Variants in CCDC15 observed in about 807,000 individuals in gnomAD.
CCDC15 encodes coiled-coil domain containing 15, also known as coiled-coil domain-containing protein 15.
A neutral mutation model predicts 114.5 loss-of-function variants in CCDC15; 105 were observed. That is an observed-to-expected ratio of 0.92 (90% CI 0.78 to 1.08). CCDC15 has a LOEUF of 1.08. CCDC15 is among the 50% of genes least tolerant of loss of function. CCDC15 has a pLI of 0.00. For synonymous variants in CCDC15, 334 were observed against 377.8 expected, an observed-to-expected ratio of 0.88 and a Z score of 1.34; for missense variants, 1,105 against 1,093.6, an observed-to-expected ratio of 1.01 and a Z score of -0.15.
chr11:124,960,117 CT>C, intron 4 of CCDC15, 114 bp downstream of exon 4: 1 of 609,296 alleles, frequency 1.6e-6, no homozygotes, highest in African/African-American at 2.0e-5. Context: ...CTCAGCTTCA[CT>C]TTTGATAATC....
At position 124,991,563 on chromosome 11, in the gene CCDC15, C is replaced by G. The variant is rs533489378; in HGVS notation, c.2011C>G (p.Gln671Glu). 1.2e-4 allele frequency: 198 copies of G among 1,606,508 alleles called. 1 individual carries two copies. The South Asian group carries it at 1.9e-3, about 15-fold the overall frequency. Residue 671 changes from glutamine (Q) to glutamate (E), a missense_variant, in exon 9 of 16, where the codon CAG (glutamine) becomes GAG (glutamate). Gln to Glu is a conservative substitution (Grantham distance 29). Transcript: ENST00000344762. The part of the protein sequence containing the change: ...YQCLPPKSQD[Q>E]DDIKNQQPAS... The stretch of plus-strand genomic sequence containing the variant: ...GTGTTTGCCTCCCAAATCCCAGGAC[C>G]AGGATGACATCAAAAATCAGGTAGA...
chr11:125,002,501 A>T (rs970733160), intron 11 of CCDC15, among the ~76,000 whole-genome samples: 1 of 152,206 alleles, frequency 6.6e-6, no homozygotes, highest in East Asian at 1.9e-4. Context: ...ATTGACTCCT[A>T]TGCGTTCCTC....
intron 6 of CCDC15, 92 bp from the exon 7 acceptor site, chr11:124,986,650 A>G (rs549924386): frequency 2.3e-6 from 3 of 1,304,874 alleles, no homozygotes; most frequent in East Asian, 2.6e-5. Context: ...GTTTCTTCCT[A>G]TAATAGCTAC....
At chr11:124,988,216 A>G in intron 8 of CCDC15, 82 bp downstream of exon 8, 1 of 1,393,150 alleles carries the variant, frequency 7.2e-7, no homozygotes, top group South Asian at 1.4e-5. Context: ...GACTGCAAGT[A>G]TACCTTGGAG....
At chr11:124,964,570 A>C (rs1359969026) in intron 4 of CCDC15, among the ~76,000 whole-genome samples, 1 of 152,232 alleles carries the variant, frequency 6.6e-6, no homozygotes, top group Admixed American at 6.5e-5. Context: ...TAAATATACA[A>C]TCATGTCATC....
chr11:124,995,650 C>T (rs1387149605), intron 11 of CCDC15, among the ~76,000 whole-genome samples: 1 of 152,148 alleles, frequency 6.6e-6, no homozygotes, highest in Non-Finnish European at 1.5e-5. Flanking sequence ...GAGACTGATA[C>T]ATAAACATAA....
At position 124,986,709 on chromosome 11, in the gene CCDC15, G is replaced by GCGCA. The variant is rs1555068515; in HGVS notation, c.754-30_754-29insACGC. The GCGCA allele has an allele frequency of 3.5e-5, 49 of 1,410,384 alleles. No individual in the cohort carries two copies. The African/African-American group carries it at 6.6e-4, about 19-fold the overall frequency. 87.4% of individuals were successfully genotyped at this position (1,410,384 alleles called of 1,614,324 possible). On this transcript the variant is annotated intron_variant, in intron 6 of 15. Coordinates refer to ENST00000344762, the MANE Select transcript of CCDC15 (RefSeq NM_025004.3). ...TGTGTGTTTGTGTGTGTGCGCGCGCGCGCGTGCGCGTTTTCATTGTTTTTT... is the reference window on the plus strand; with the variant it reads ...TGTGTGTTTGTGTGTGTGCGCGCGCGCGCACGCGTGCGCGTTTTCATTGTTTTTT...
intron 13 of CCDC15, among the ~76,000 whole-genome samples, chr11:125,024,999 CAT>C (rs60040080): frequency 0.17 from 20,968 of 124,708 alleles, 2,039 homozygotes; most frequent in African/African-American, 0.29. Context: ...CTGTCAAATT[CAT>C]ATATATATGA....
intron 12 of CCDC15, 40 bp downstream of exon 12, chr11:125,003,999 T>A: frequency 9.8e-7 from 1 of 1,015,472 alleles, no homozygotes; most frequent in Non-Finnish European, 1.4e-6. Flanking sequence ...ATATTTCTAC[T>A]ATGATAGTAT....
In CCDC15 at chr11:124,954,721, C is replaced by T. The variant is rs1034759452; in HGVS notation, c.-9-3C>T. On this transcript the variant is annotated splice_region_variant and splice_polypyrimidine_tract_variant and intron_variant, in intron 1 of 15. Coordinates refer to ENST00000344762, the MANE Select transcript of CCDC15 (RefSeq NM_025004.3). ...TTTTAAGCTTTTTCTTTCTCCTAAT[C>T]AGGAGTCACAGATGCTGGGAAGTAT... The T allele has an allele frequency of 6.2e-7, 1 of 1,613,026 alleles. No homozygotes were observed. Among genetic ancestry groups the T allele is most frequent in the African/African-American group, 1.3e-5 (1 of 74,882 alleles).
chr11:125,001,248 C>T (rs1288613734), intron 11 of CCDC15, among the ~76,000 whole-genome samples: 1 of 152,194 alleles, frequency 6.6e-6, no homozygotes, highest in Non-Finnish European at 1.5e-5. Context: ...TGGTCAGCCT[C>T]AGTTGGCAAC....
chr11:124,980,645 A>G (rs1948057891), intron 6 of CCDC15, among the ~76,000 whole-genome samples: 1 of 151,986 alleles, frequency 6.6e-6, no homozygotes, highest in Admixed American at 6.5e-5. Flanking sequence ...GATTGTGTTT[A>G]TTTGGATATT....
intron 12 of CCDC15, 83 bp downstream of exon 12, chr11:125,004,042 G>T: frequency 1.5e-6 from 1 of 669,218 alleles, no homozygotes; most frequent in African/African-American, 1.9e-5. Context: ...AATTTGTTGT[G>T]TCCTAACACA....
At chr11:125,026,637 C>T (rs181789064) in intron 13 of CCDC15, among the ~76,000 whole-genome samples, 2 of 152,300 alleles carry the variant, frequency 1.3e-5, no homozygotes, top group African/African-American at 2.4e-5. Context: ...TGCCCTGCTT[C>T]GTCCAAATCT....
chr11:125,010,572 G>A (rs1303631216), intron 13 of CCDC15, among the ~76,000 whole-genome samples: 1 of 152,056 alleles, frequency 6.6e-6, no homozygotes, highest in Non-Finnish European at 1.5e-5. Flanking sequence ...TGTGGGCCAG[G>A]CTGGTCTCGA....
chr11:124,969,573 A>T (rs1181368646), intron 4 of CCDC15, among the ~76,000 whole-genome samples: 1 of 151,934 alleles, frequency 6.6e-6, no homozygotes, highest in African/African-American at 2.4e-5. Context: ...TCTTATTTCT[A>T]TTTTTATTCT....
At chr11:124,993,087 A>C in intron 10 of CCDC15, 82 bp from the exon 11 acceptor site, 1 of 806,142 alleles carries the variant, frequency 1.2e-6, no homozygotes, top group Non-Finnish European at 2.1e-6. Context: ...TTACTCTGGG[A>C]TTGTCACTGA....
At chr11:124,993,328 C>T in intron 11 of CCDC15, 85 bp downstream of exon 11, 1 of 858,040 alleles carries the variant, frequency 1.2e-6, no homozygotes, top group Non-Finnish European at 1.8e-6. Flanking sequence ...GTGTAAATTG[C>T]TTTTTTTTTG....
intron 4 of CCDC15, among the ~76,000 whole-genome samples, chr11:124,967,266 G>C (rs1285159341): frequency 1.3e-5 from 2 of 152,160 alleles, no homozygotes; most frequent in Non-Finnish European, 1.5e-5. Context: ...GTCACTTTCA[G>C]GTACACCAAT....
Sources: allele counts gnomAD v4.1 joint callset (sites outside exome capture counted in the v4.1 genomes callset), GRCh38; gene constraint gnomAD v4.1.1; transcripts MANE v1.5; gene names NCBI Gene and HGNC (gene_info 2026-07-23, HGNC 2026-07-21).